The following PDZD2 variants were observed in gnomAD, a reference collection of about 807,000 sequenced individuals.
The protein encoded by PDZD2 is PDZ domain containing 2.
Under a neutral mutation model 220.7 loss-of-function variants are expected in PDZD2, and 90 were observed. The observed-to-expected ratio is 0.41, with a 90% CI of 0.34 to 0.49. The LOEUF is 0.49. Among genes scored for constraint, PDZD2 ranks in the 20% least tolerant of loss-of-function variants. The pLI is 0.28. For missense variants in PDZD2, 3,174 were observed against 3,608.5 expected, an observed-to-expected ratio of 0.88 and a Z score of 3.08; for synonymous variants, 1,375 against 1,450.5, an observed-to-expected ratio of 0.95 and a Z score of 1.18.
intron 3 of PDZD2, among the ~76,000 whole-genome samples, chr5:31,989,838 G>A (rs1249738675): frequency 5.3e-5 from 8 of 152,112 alleles, no homozygotes; most frequent in African/African-American, 1.2e-4. Context: ...TTTGTTTCCC[G>A]TCTTAGCTCA....
intron 6 of PDZD2, among the ~76,000 whole-genome samples, chr5:32,033,355 T>C (rs1306728226): frequency 6.6e-6 from 1 of 152,202 alleles, no homozygotes; most frequent in African/African-American, 2.4e-5. Flanking sequence ...AATGAATGTG[T>C]CTAAGCAACC....
intron 1 of PDZD2, among the ~76,000 whole-genome samples, chr5:31,641,572 CATT>C (rs527668208): frequency 5.2e-4 from 78 of 151,310 alleles, no homozygotes; most frequent in Non-Finnish European, 1.1e-3. Flanking sequence ...GACTGGGTCT[CATT>C]GTTGCCCAGA....
chr5:32,003,468 C>CG (rs1752548088), intron 5 of PDZD2, among the ~76,000 whole-genome samples: 1 of 129,458 alleles, frequency 7.7e-6, no homozygotes, highest in African/African-American at 3.0e-5. Flanking sequence ...ACACCCACCC[C>CG]CCCCACACCA....
chr5:32,093,496 C>T (rs951319879), intron 21 of PDZD2, among the ~76,000 whole-genome samples: 1 of 152,134 alleles, frequency 6.6e-6, no homozygotes, highest in African/African-American at 2.4e-5. Flanking sequence ...GGGCACTGAC[C>T]TTCGAGCAGT....
At chr5:31,961,404 G>A (rs1051556086) in intron 2 of PDZD2, among the ~76,000 whole-genome samples, 1 of 151,714 alleles carries the variant, frequency 6.6e-6, no homozygotes, top group African/African-American at 2.4e-5. Flanking sequence ...GCATGATGGT[G>A]TGCACCTGTA....
chr5:32,077,347 T>A, intron 18 of PDZD2, 115 bp from the exon 19 acceptor site: 1 of 995,074 alleles, frequency 1.0e-6, no homozygotes, highest in East Asian at 2.4e-5. Context: ...TGGCTCCTAG[T>A]CCAGGGCCCC....
rs542640825 is a variant in PDZD2 at position 32,013,822 on chromosome 5, C to T, written c.1407+3340C>T. ...CTCCACCCCCATCACAAGGCACTCA[C>T]GGAGGAGGTGGAACCGGGCTTCATG... On this transcript the variant is annotated intron_variant, in intron 6 of 24. Transcript: ENST00000438447. Among the ~76,000 whole-genome samples, 3 of 152,268 alleles carry T rather than the reference C, an allele frequency of 2.0e-5. No homozygotes were observed. In the South Asian group the frequency reaches 6.2e-4, roughly 32 times the overall value.
chr5:31,855,457 G>A (rs564981751), intron 2 of PDZD2, among the ~76,000 whole-genome samples: 3 of 152,352 alleles, frequency 2.0e-5, no homozygotes, highest in South Asian at 4.1e-4. Flanking sequence ...TGTGTGTGAC[G>A]GGCAGGGAAG....
At chr5:31,822,842 A>C in intron 2 of PDZD2, 1 of 783,120 alleles carries the variant, frequency 1.3e-6, no homozygotes, top group Non-Finnish European at 2.2e-6. Context: ...TTGATGGGGA[A>C]GTGCACATAC....
At chr5:31,915,000 T>C (rs1323837705) in intron 2 of PDZD2, among the ~76,000 whole-genome samples, 1 of 152,176 alleles carries the variant, frequency 6.6e-6, no homozygotes, top group Non-Finnish European at 1.5e-5. Flanking sequence ...GGTGAAAACG[T>C]GTACCTAGTT....
At chr5:32,071,705 A>G (rs1172129163) in intron 16 of PDZD2, among the ~76,000 whole-genome samples, 1 of 152,258 alleles carries the variant, frequency 6.6e-6, no homozygotes, top group Non-Finnish European at 1.5e-5. Context: ...AGCGTGAGTC[A>G]GGACTTGGGG....
At chr5:32,081,891 T>G (rs1445062755) in intron 19 of PDZD2, among the ~76,000 whole-genome samples, 4 of 151,504 alleles carry the variant, frequency 2.6e-5, no homozygotes, top group Non-Finnish European at 5.9e-5. Context: ...CCAGCTGATT[T>G]TTTTGTATTT....
At chr5:31,752,073 G>GTTTTTT (rs3032803) in intron 1 of PDZD2, among the ~76,000 whole-genome samples, 3 of 95,062 alleles carry the variant, frequency 3.2e-5, no homozygotes, top group African/African-American at 8.4e-5. Flanking sequence ...TTTTGGGTTT[G>GTTTTTT]TTTTTTTTTT....
intron 1 of PDZD2, among the ~76,000 whole-genome samples, chr5:31,732,615 T>A (rs1749600266): frequency 6.6e-6 from 1 of 152,230 alleles, no homozygotes; most frequent in Non-Finnish European, 1.5e-5. Flanking sequence ...GAATTTGCTA[T>A]CTAAGAGATT....
intron 1 of PDZD2, among the ~76,000 whole-genome samples, chr5:31,687,235 C>A (rs747030704): frequency 6.6e-6 from 1 of 152,150 alleles, no homozygotes; most frequent in Non-Finnish European, 1.5e-5. Context: ...CAGAGAAATG[C>A]AAGAGTGTAT....
At chr5:32,020,706 G>A (rs1035773971) in intron 6 of PDZD2, among the ~76,000 whole-genome samples, 2 of 150,000 alleles carry the variant, frequency 1.3e-5, no homozygotes, top group Non-Finnish European at 3.0e-5. Flanking sequence ...GTGCAGTGGC[G>A]CGATCTCGGC....
intron 14 of PDZD2, among the ~76,000 whole-genome samples, chr5:32,064,288 C>T (rs1179740195): frequency 6.6e-6 from 1 of 151,714 alleles, no homozygotes; most frequent in African/African-American, 2.4e-5. Context: ...GTTGCCCAGG[C>T]TGGAGTGCAG....
intron 10 of PDZD2, among the ~76,000 whole-genome samples, chr5:32,057,376 C>A (rs1328364383): frequency 1.3e-5 from 2 of 152,278 alleles, no homozygotes; most frequent in East Asian, 3.9e-4. Context: ...CATAGGACAT[C>A]TGTTGTCAAA....
At chr5:31,815,104 A>T (rs1339884703) in intron 2 of PDZD2, among the ~76,000 whole-genome samples, 1 of 151,798 alleles carries the variant, frequency 6.6e-6, no homozygotes, top group East Asian at 2.0e-4. Context: ...AATGAACTGG[A>T]TGTGGTGGCA....
Sources: gnomAD v4.1 joint callset for allele counts (sites outside exome capture counted in the v4.1 genomes callset) on GRCh38, gnomAD v4.1.1 for gene constraint, MANE v1.5 for transcripts, NCBI Gene and HGNC (gene_info 2026-07-23, HGNC 2026-07-21) for gene names.